The following E2F7 variants were observed in gnomAD, a reference collection of about 807,000 sequenced individuals.
The protein encoded by E2F7 is E2F transcription factor 7, also known as transcription factor E2F7.
A neutral mutation model predicts 81.1 loss-of-function variants in E2F7; 35 were observed. The ratio of observed to expected loss-of-function variants is 0.43; its 90% CI spans 0.33 to 0.57. The LOEUF is 0.57. E2F7 is among the 20% of genes least tolerant of loss of function. The probability of loss-of-function intolerance (pLI) is 0.04; values close to 1 mark genes in which losing one functional copy is unlikely to be tolerated. For missense variants in E2F7, 961 were observed against 1,093.7 expected (o/e 0.88, Z 1.71); for synonymous variants, 416 against 416.2 (o/e 1.00, Z 0.01).
At chr12:77,051,731 T>C (rs529830052) in intron 3 of E2F7, among the ~76,000 whole-genome samples, 1 of 152,302 alleles carries the variant, frequency 6.6e-6, no homozygotes, top group East Asian at 1.9e-4. Flanking sequence ...TTGTAAAACC[T>C]TGGACGTGTT....
chr12:77,050,542 G>A (rs777413492), intron 4 of E2F7, 34 bp downstream of exon 4: 1 of 1,605,396 alleles, frequency 6.2e-7, no homozygotes. Flanking sequence ...ACTGTAACTG[G>A]AGACAGACCT....
chr12:77,054,755 G>C (rs1268268553), intron 3 of E2F7, among the ~76,000 whole-genome samples: 4 of 152,092 alleles, frequency 2.6e-5, no homozygotes, highest in African/African-American at 9.7e-5. Flanking sequence ...TTTTCACTTT[G>C]CTATATTTTT....
intron 2 of E2F7, among the ~76,000 whole-genome samples, chr12:77,059,528 G>A (rs112305866): frequency 0.014 from 2,154 of 152,254 alleles, 21 homozygotes; most frequent in Non-Finnish European, 0.021. Context: ...TGGATGCTGG[G>A]ATGTACCCTG....
rs1040144672 is a variant in E2F7 at position 77,023,752 on chromosome 12, A to T, written c.*263T>A. On this transcript the variant is annotated 3_prime_UTR_variant, in exon 13 of 13. Coordinates refer to ENST00000322886, the MANE Select transcript of E2F7 (RefSeq NM_203394.3). Reference sequence around the variant, plus strand: ...TAGCCTATTCAGATCTACTTCCAGAATAAGACGATTCTTGAATCAAAACCA... The same window carrying T: ...TAGCCTATTCAGATCTACTTCCAGATTAAGACGATTCTTGAATCAAAACCA... The T allele has an allele frequency of 4.9e-6, 2 of 407,944 alleles. No individual in the cohort carries two copies. The highest frequency in any genetic ancestry group is 8.7e-6 in the Non-Finnish European group (2 of 228,910). 25.3% of individuals were successfully genotyped at this position (407,944 alleles called of 1,614,324 possible).
In E2F7 at chr12:77,021,810, AGTT is replaced by A. The variant is rs1292920086; in HGVS notation, c.*2202_*2204del. ...CTAGCGCAGCAGCTTCAATTCCACC[AGTT>A]GTTCTGTAAGATTTATTTTCCTGAC... On this transcript the variant is annotated 3_prime_UTR_variant, in exon 13 of 13. Coordinates refer to ENST00000322886, the MANE Select transcript of E2F7 (RefSeq NM_203394.3). 21 of 152,336 alleles carry A rather than the reference AGTT, an allele frequency of 1.4e-4. No homozygotes were observed. Among genetic ancestry groups the A allele is most frequent in the African/African-American group, 4.8e-4 (20 of 41,578 alleles). 9.4% of individuals were successfully genotyped at this position (152,336 alleles called of 1,614,324 possible).
At chr12:77,048,440 T>C (rs1177761253) in intron 4 of E2F7, among the ~76,000 whole-genome samples, 1 of 152,224 alleles carries the variant, frequency 6.6e-6, no homozygotes, top group Non-Finnish European at 1.5e-5. Context: ...AACAGTTTCC[T>C]AGGCTGTGCT....
At chr12:77,041,278 G>A (rs547672592) in intron 7 of E2F7, among the ~76,000 whole-genome samples, 1 of 152,132 alleles carries the variant, frequency 6.6e-6, no homozygotes, top group South Asian at 2.1e-4. Flanking sequence ...TGCAACCTCC[G>A]CCTCCCTGGT....
chr12:77,028,473 C>CTT (rs200375377), intron 10 of E2F7, among the ~76,000 whole-genome samples: 37,860 of 143,650 alleles, frequency 0.26, 5,070 homozygotes, highest in East Asian at 0.49. Flanking sequence ...ATTAGTAAAT[C>CTT]TTTTTTTTTT....
chr12:77,050,411 A>G (rs555670183), intron 4 of E2F7, among the ~76,000 whole-genome samples, 165 bp downstream of exon 4: 1 of 152,188 alleles, frequency 6.6e-6, no homozygotes, highest in Non-Finnish European at 1.5e-5. Flanking sequence ...CTGAAATTCC[A>G]TGTATAATGA....
chr12:77,035,118 A>G (rs992158876), intron 7 of E2F7, among the ~76,000 whole-genome samples: 2 of 152,164 alleles, frequency 1.3e-5, no homozygotes, highest in Non-Finnish European at 2.9e-5. Context: ...TGAGCTCTAT[A>G]ATGATTTTTG....
intron 2 of E2F7, among the ~76,000 whole-genome samples, chr12:77,061,800 C>A (rs556491258): frequency 2.0e-5 from 3 of 152,248 alleles, no homozygotes; most frequent in Non-Finnish European, 4.4e-5. Flanking sequence ...AGCTTCCAGC[C>A]ACTCTTGATT....
intron 1 of E2F7, 97 bp downstream of exon 1, chr12:77,065,248 C>G (rs1057257007): frequency 2.6e-5 from 4 of 152,294 alleles, no homozygotes; most frequent in African/African-American, 9.6e-5. Context: ...CCTCGCCAGC[C>G]GGGGGACGTG....
intron 11 of E2F7, 64 bp from the exon 12 acceptor site, chr12:77,026,046 A>C: frequency 1.6e-4 from 231 of 1,486,064 alleles, no homozygotes; most frequent in Non-Finnish European, 1.9e-4. Flanking sequence ...ATTCAAGCTC[A>C]CATTTGTCAT....
In E2F7 at chr12:77,022,346, T is replaced by C. The variant is rs1408737413; in HGVS notation, c.*1669A>G. ...AGACTGTAAAAAAGAAAAAAAAAAC[T>C]TGTAAACTTTAAAAGTTTAGTGTTG... is the stretch of plus-strand genomic sequence containing the variant. On this transcript the variant is annotated 3_prime_UTR_variant, in exon 13 of 13. Coordinates refer to ENST00000322886, the MANE Select transcript of E2F7 (RefSeq NM_203394.3). 1 of 152,342 alleles carries C rather than the reference T, an allele frequency of 6.6e-6. No individual in the cohort carries two copies. Among genetic ancestry groups the C allele is most frequent in the Non-Finnish European group, 1.5e-5 (1 of 67,976 alleles). 9.4% of individuals were successfully genotyped at this position (152,342 alleles called of 1,614,324 possible).
At chr12:77,042,897 T>C (rs560369981) in intron 7 of E2F7, among the ~76,000 whole-genome samples, 168 bp downstream of exon 7, 2 of 152,214 alleles carry the variant, frequency 1.3e-5, no homozygotes, top group Non-Finnish European at 2.9e-5. Flanking sequence ...CAAACCAGCA[T>C]GCACAATTTG....
chr12:77,031,199 G>C (rs1350866740), intron 9 of E2F7, among the ~76,000 whole-genome samples: 1 of 151,474 alleles, frequency 6.6e-6, no homozygotes, highest in Non-Finnish European at 1.5e-5. Context: ...CTCCAGCCTG[G>C]GTGACCCTGT....
At chr12:77,036,962 G>A (rs994212838) in intron 7 of E2F7, among the ~76,000 whole-genome samples, 9 of 152,074 alleles carry the variant, frequency 5.9e-5, no homozygotes, top group African/African-American at 1.7e-4. Context: ...TGTTAGCCAG[G>A]ATGGTCTCAA....
intron 8 of E2F7, 134 bp downstream of exon 8, chr12:77,033,723 A>G: frequency 1.2e-6 from 1 of 831,440 alleles, no homozygotes; most frequent in Non-Finnish European, 1.8e-6. Context: ...CTAAGTAAAA[A>G]GTAGACCACT....
chr12:77,058,009 T>C (rs1431062822), intron 2 of E2F7, among the ~76,000 whole-genome samples: 1 of 152,170 alleles, frequency 6.6e-6, no homozygotes, highest in Non-Finnish European at 1.5e-5. Flanking sequence ...GCAAGGCAAC[T>C]CTTGCTCCTT....
Sources: gnomAD v4.1 joint callset for allele counts (sites outside exome capture counted in the v4.1 genomes callset) on GRCh38, gnomAD v4.1.1 for gene constraint, MANE v1.5 for transcripts, NCBI Gene and HGNC (gene_info 2026-07-23, HGNC 2026-07-21) for gene names.